The following RARB variants were observed in gnomAD, a reference collection of about 807,000 sequenced individuals.
The protein encoded by RARB is HBV-activated protein.
A neutral mutation model predicts 51.9 loss-of-function variants in RARB; 17 were observed. The ratio of observed to expected loss-of-function variants is 0.33; its 90% CI spans 0.22 to 0.49. RARB has a LOEUF of 0.49. Among genes scored for constraint, RARB ranks in the 20% least tolerant of loss-of-function variants. The pLI is 0.99. For missense variants in RARB, 369 were observed against 550.8 expected (o/e 0.67, Z 3.30); for synonymous variants, 215 against 195.4 (o/e 1.10, Z -0.84).
At chr3:25,218,371 C>A (rs984290653) in intron 5 of RARB, among the ~76,000 whole-genome samples, 2 of 152,046 alleles carry the variant, frequency 1.3e-5, no homozygotes, top group Admixed American at 6.5e-5. Flanking sequence ...CACCCCCCAA[C>A]AAGGCCCCTT....
chr3:24,878,705 T>A (rs1423636268), intron 2 of RARB, among the ~76,000 whole-genome samples: 1 of 152,074 alleles, frequency 6.6e-6, no homozygotes, highest in Non-Finnish European at 1.5e-5. Flanking sequence ...AAATGTGTCT[T>A]GGAGTCGGGG....
intron 4 of RARB, among the ~76,000 whole-genome samples, chr3:25,137,597 ATTAT>A (rs754318567): frequency 2.6e-5 from 4 of 152,156 alleles, no homozygotes; most frequent in Non-Finnish European, 4.4e-5. Flanking sequence ...AGCTTTATAA[ATTAT>A]AATCACTCTT....
chr3:24,884,566 A>G (rs775783655), intron 2 of RARB, among the ~76,000 whole-genome samples: 2 of 152,180 alleles, frequency 1.3e-5, no homozygotes, highest in Non-Finnish European at 2.9e-5. Context: ...CTGGATTTTT[A>G]AAAATCTATT....
intron 1 of RARB, 67 bp from the exon 2 acceptor site, chr3:25,461,126 G>T: frequency 6.7e-7 from 1 of 1,482,016 alleles, no homozygotes. Context: ...TGAATTCACT[G>T]TTGAAAAAAG....
intron 2 of RARB, among the ~76,000 whole-genome samples, chr3:24,924,857 G>C (rs906003839): frequency 3.3e-5 from 5 of 152,074 alleles, no homozygotes; most frequent in African/African-American, 4.8e-5. Flanking sequence ...TTACAGGGGT[G>C]CTGTAAAGAG....
At chr3:24,969,971 G>C (rs1374980734) in intron 2 of RARB, among the ~76,000 whole-genome samples, 1 of 151,968 alleles carries the variant, frequency 6.6e-6, no homozygotes, top group Admixed American at 6.6e-5. Flanking sequence ...TACCACGACC[G>C]AATTTTAAAG....
intron 5 of RARB, among the ~76,000 whole-genome samples, chr3:25,318,700 TGAAA>T (rs1393007884): frequency 2.6e-5 from 4 of 152,182 alleles, no homozygotes; most frequent in African/African-American, 9.7e-5. Context: ...TTGGTCTTCT[TGAAA>T]GAATGATTTT....
intron 5 of RARB, among the ~76,000 whole-genome samples, chr3:25,379,811 TTTTC>T (rs562480122): frequency 1.1e-4 from 16 of 152,300 alleles, no homozygotes; most frequent in African/African-American, 3.6e-4. Context: ...AATGAAGACT[TTTTC>T]TTTCTTAGTG....
At chr3:24,911,525 A>G (rs1575067603) in intron 2 of RARB, among the ~76,000 whole-genome samples, 1 of 152,216 alleles carries the variant, frequency 6.6e-6, no homozygotes, top group East Asian at 1.9e-4. Flanking sequence ...ACCTAATGTC[A>G]AACAGTTACC....
chr3:25,388,749 G>A (rs375410900), intron 5 of RARB, among the ~76,000 whole-genome samples: 1 of 152,230 alleles, frequency 6.6e-6, no homozygotes, highest in African/African-American at 2.4e-5. Flanking sequence ...AAAGTGAATC[G>A]AACTCAACCT....
chr3:24,880,301 G>A (rs938659659), intron 2 of RARB, among the ~76,000 whole-genome samples: 3 of 151,924 alleles, frequency 2.0e-5, no homozygotes, highest in East Asian at 1.9e-4. Context: ...AAGGGCTTGG[G>A]GAAAGGGATC....
intron 5 of RARB, among the ~76,000 whole-genome samples, chr3:25,299,193 C>T (rs1427498063): frequency 6.6e-6 from 1 of 152,112 alleles, no homozygotes; most frequent in Admixed American, 6.5e-5. Flanking sequence ...CCTCTCCCCT[C>T]AGGACAGACT....
At chr3:25,013,669 A>T (rs1201003246) in intron 2 of RARB, among the ~76,000 whole-genome samples, 1 of 152,038 alleles carries the variant, frequency 6.6e-6, no homozygotes, top group Non-Finnish European at 1.5e-5. Context: ...AATACAACCT[A>T]CACCCTGAAG....
Position 25,594,547 on chromosome 3 carries a change from A to C in RARB, c.1019A>C (p.Lys340Thr). 6.2e-7 allele frequency: 1 copy of C among 1,612,010 alleles called. No individual in the cohort carries two copies. The change falls in exon 7 of 8, where the codon AAA (lysine) becomes ACA (threonine). Residue 340 changes from lysine (K) to threonine (T), a missense_variant. Physicochemically the swap from Lys to Thr is moderately conservative, Grantham distance 78. Coordinates refer to ENST00000330688, the MANE Select transcript of RARB (RefSeq NM_000965.5). Reference sequence around the variant, plus strand: ...CGCCAGGACCTTGAGGAACCGACAAAAGTAGATAAGCTACAAGAACCATTG... The same window carrying C: ...CGCCAGGACCTTGAGGAACCGACAACAGTAGATAAGCTACAAGAACCATTG... ...GDRQDLEEPT[K>T]VDKLQEPLLE...
intron 3 of RARB, among the ~76,000 whole-genome samples, chr3:25,121,096 G>A (rs1699777114): frequency 6.6e-6 from 1 of 152,130 alleles, no homozygotes; most frequent in Non-Finnish European, 1.5e-5. Flanking sequence ...ATAAAGTGGT[G>A]GGAAAGCCTG....
chr3:24,858,204 T>A (rs1057482877), intron 1 of RARB, among the ~76,000 whole-genome samples: 2 of 152,190 alleles, frequency 1.3e-5, no homozygotes, highest in Non-Finnish European at 2.9e-5. Context: ...TAAAAAGTGA[T>A]GAAACCAAGA....
exon 5 of RARB, chr3:25,174,422 C>T (rs1376081554): frequency 7.4e-7 from 1 of 1,352,164 alleles, no homozygotes; most frequent in Admixed American, 1.9e-5. Context: ...CCACGCATGT[C>T]CGGTCCCAGC....
At chr3:24,840,898 A>AAC (rs1223370035) in intron 1 of RARB, among the ~76,000 whole-genome samples, 3 of 152,030 alleles carry the variant, frequency 2.0e-5, no homozygotes, top group African/African-American at 4.8e-5. Flanking sequence ...AAACAAAAGA[A>AAC]ACACACACAC....
At chr3:25,346,041 T>C in intron 5 of RARB, 1 of 229,350 alleles carries the variant, frequency 4.4e-6, no homozygotes, top group Non-Finnish European at 7.2e-6. Context: ...CTGGGTTCAC[T>C]CATGCATCTG....
Sources: gnomAD v4.1 joint callset for allele counts (sites outside exome capture counted in the v4.1 genomes callset) on GRCh38, gnomAD v4.1.1 for gene constraint, MANE v1.5 for transcripts, NCBI Gene and HGNC (gene_info 2026-07-23, HGNC 2026-07-21) for gene names.